The following CYTH2 variants were observed in gnomAD, a reference collection of about 807,000 sequenced individuals.
CYTH2 encodes the protein cytohesin 2.
A neutral mutation model predicts 55.4 loss-of-function variants in CYTH2; 24 were observed. The ratio of observed to expected loss-of-function variants is 0.43; its 90% CI spans 0.31 to 0.61. CYTH2 has a LOEUF of 0.61. Among genes scored for constraint, CYTH2 ranks in the 20% least tolerant of loss-of-function variants. The pLI is 0.08. For missense variants in CYTH2, 378 were observed against 533.5 expected (o/e 0.71, Z 2.87); for synonymous variants, 221 against 209.6 (o/e 1.05, Z -0.47).
At chr19:48,471,179 T>A (rs1044743578) in intron 3 of CYTH2, among the ~76,000 whole-genome samples, 2 of 152,112 alleles carry the variant, frequency 1.3e-5, no homozygotes, top group African/African-American at 2.4e-5. Context: ...TGTGTGTGTG[T>A]GAGACAGAGT....
At chr19:48,478,417 C>T in intron 10 of CYTH2, 21 bp from the exon 11 acceptor site, 2 of 1,613,226 alleles carry the variant, frequency 1.2e-6, no homozygotes, top group Non-Finnish European at 1.7e-6. Context: ...CTTACCTGCG[C>T]CCTTCCTCTC....
chr19:48,470,420 G>A lies in CYTH2; in HGVS notation c.87G>A (p.Leu29=), dbSNP rs1171998170. 1.2e-6 allele frequency: 2 copies of A among 1,614,110 alleles called. No individual in the cohort carries two copies. The highest frequency in any genetic ancestry group is 1.1e-5 in the South Asian group (1 of 91,088). ...LENIRRRKQE[L]LVEIQRLREE... Reference sequence around the variant, plus strand: ...ACATCCGGCGGCGGAAGCAGGAGCTGCTGGTGGAGATTCAGCGCCTGCGGG... The same window carrying A: ...ACATCCGGCGGCGGAAGCAGGAGCTACTGGTGGAGATTCAGCGCCTGCGGG... Residue 29 remains leucine, a synonymous_variant, in exon 2 of 12, where the codon CTG becomes CTA. Coordinates refer to ENST00000452733, the MANE Select transcript of CYTH2 (RefSeq NM_004228.7).
chr19:48,476,066 C>T (rs764128003), intron 8 of CYTH2: 32 of 516,440 alleles, frequency 6.2e-5, no homozygotes, highest in Non-Finnish European at 3.9e-6. Flanking sequence ...GTCTTGGGGG[C>T]CTCCCCATGT....
intron 4 of CYTH2, 149 bp from the exon 5 acceptor site, chr19:48,473,149 C>G (rs182550486): frequency 7.7e-6 from 6 of 777,942 alleles, no homozygotes; most frequent in Non-Finnish European, 1.3e-5. Flanking sequence ...TGGGGGCAGG[C>G]CTGTGTGGGA....
At chr19:48,476,000 GGA>G (rs1971904745) in intron 8 of CYTH2, 1 of 519,516 alleles carries the variant, frequency 1.9e-6, no homozygotes, top group Non-Finnish European at 3.9e-6. Flanking sequence ...CTCAGTGAAG[GGA>G]GTCAAGGTCA....
chr19:48,476,258 T>G, intron 8 of CYTH2: 1 of 221,642 alleles, frequency 4.5e-6, no homozygotes, highest in Non-Finnish European at 9.4e-6. Context: ...GGCAATATAA[T>G]GATACCCCCC....
chr19:48,478,981 A>G (rs1971997206), intron 11 of CYTH2, 142 bp from the exon 12 acceptor site: 1 of 725,862 alleles, frequency 1.4e-6, no homozygotes. Context: ...GCTGGGTCTG[A>G]GGGAGGAGGG....
Position 48,478,582 on chromosome 19 carries a change from A to G in CYTH2, c.1102A>G (p.Lys368Glu). Residue 368 changes from lysine to glutamate, a missense_variant, in exon 11 of 12, where the codon AAG becomes GAG. Transcript: ENST00000452733. ...GCAGGAGGAGAAGGACGAGTGGATC[A>G]AGTCCATCCAGTGAGCCTGGACTCC... is the stretch of plus-strand genomic sequence containing the variant. ...PTQEEKDEWIKSIQAAVSVDP... is the reference protein window; with the variant it reads ...PTQEEKDEWIESIQAAVSVDP... 1 of 1,609,502 alleles carries G rather than the reference A, an allele frequency of 6.2e-7. No homozygotes were observed. The highest frequency in any genetic ancestry group is 8.5e-7 in the Non-Finnish European group (1 of 1,177,198).
At chr19:48,473,224 C>G (rs565281977) in intron 4 of CYTH2, 74 bp from the exon 5 acceptor site, 16 of 1,529,152 alleles carry the variant, frequency 1.0e-5, no homozygotes, top group Admixed American at 1.7e-5. Context: ...GCACGACTTC[C>G]CCAGGGCATT....
rs2147504956 is a variant in CYTH2, at chr19:48,472,424, G to A, written c.334G>A (p.Gly112Arg). 6.2e-7 allele frequency: 1 copy of A among 1,613,518 alleles called. No individual in the cohort carries two copies. Among genetic ancestry groups the A allele is most frequent in the Non-Finnish European group, 8.5e-7 (1 of 1,179,970 alleles). ...CGAGGGGCTGAACAAGACAGCCATC[G>A]GGGACTACCTGGGGGAGAGGTACGG... The part of the protein sequence containing the change: ...KGEGLNKTAI[G>R]DYLGEREELN... The change falls in exon 4 of 12, where the codon GGG becomes AGG. Residue 112 changes from glycine to arginine, a missense_variant. Coordinates refer to ENST00000452733, the MANE Select transcript of CYTH2 (RefSeq NM_004228.7).
At position 48,472,816 on chromosome 19, in the gene CYTH2, C is replaced by G. The variant is rs1303338927; in HGVS notation, c.353+373C>G. On this transcript the variant is annotated intron_variant, in intron 4 of 11. Coordinates refer to ENST00000452733, the MANE Select transcript of CYTH2 (RefSeq NM_004228.7). Reference sequence around the variant, plus strand: ...TGGGAGCTGTGGGGACCGCTGGGCCCTTGTGGGAGCTTAGGAGTTGTGGGG... The same window carrying G: ...TGGGAGCTGTGGGGACCGCTGGGCCGTTGTGGGAGCTTAGGAGTTGTGGGG... 17 of 361,628 alleles carry G rather than the reference C, an allele frequency of 4.7e-5. 1 individual carries two copies. Among genetic ancestry groups the G allele is most frequent in the Non-Finnish European group, 8.5e-5 (16 of 187,522 alleles). The allele number at this position is 361,628 out of a possible 1,614,324, so 22.4% of individuals were successfully genotyped here.
chr19:48,474,812 T>G lies in CYTH2; in HGVS notation c.697-26T>G. 1.2e-6 allele frequency: 2 copies of G among 1,611,714 alleles called. No individual in the cohort carries two copies. Among genetic ancestry groups the G allele is most frequent in the Admixed American group, 1.7e-5 (1 of 59,898 alleles). On this transcript the variant is annotated intron_variant, in intron 7 of 11. Coordinates refer to ENST00000452733, the MANE Select transcript of CYTH2 (RefSeq NM_004228.7). The surrounding 1 kb of genome is among the most constrained non-coding windows in gnomAD (Gnocchi z 4.9). Reference sequence around the variant, plus strand: ...CCTGGGGGGCCCCAGGGGGCTCGAATGGCTAATGCAGCCTTTACTCCTCAG... The same window carrying G: ...CCTGGGGGGCCCCAGGGGGCTCGAAGGGCTAATGCAGCCTTTACTCCTCAG...
At position 48,474,028 on chromosome 19, in the gene CYTH2, C is replaced by T. The variant is rs1971857244; in HGVS notation, c.547+11C>T. The T allele has an allele frequency of 5.0e-6, 8 of 1,597,350 alleles. No homozygotes were observed. The highest frequency in any genetic ancestry group is 1.1e-5 in the South Asian group (1 of 88,932). Reference sequence around the variant, plus strand: ...TTTTCCAGTCCACAGGTGCGGGCCCCAAATCCTGGGTCCTGGGAAAGAGGA... The same window carrying T: ...TTTTCCAGTCCACAGGTGCGGGCCCTAAATCCTGGGTCCTGGGAAAGAGGA... On this transcript the variant is annotated intron_variant, in intron 6 of 11. Coordinates refer to ENST00000452733, the MANE Select transcript of CYTH2 (RefSeq NM_004228.7). This position sits in a 1 kb window ranked among gnomAD's most constrained non-coding sequence, Gnocchi z 4.9.
chr19:48,478,621 G>C (rs1335248115), intron 11 of CYTH2, 29 bp downstream of exon 11: 1 of 1,518,784 alleles, frequency 6.6e-7, no homozygotes, highest in Non-Finnish European at 8.9e-7. Flanking sequence ...GCCTGATGGA[G>C]GAGGGGCTGG....
intron 3 of CYTH2, among the ~76,000 whole-genome samples, chr19:48,471,119 G>A (rs1230802176): frequency 6.6e-6 from 1 of 151,358 alleles, no homozygotes; most frequent in African/African-American, 2.5e-5. Flanking sequence ...TTTGAAGGAT[G>A]AGTAGGTGTT....
In CYTH2 at chr19:48,478,194, G is replaced by A. The variant is rs376111239; in HGVS notation, c.885+49G>A. On this transcript the variant is annotated intron_variant, in intron 9 of 11. Transcript: ENST00000452733. ...CTGGGGTCCTGGGCGGAGTGGCTGG[G>A]AGCCTGGACTCCTGGGGCTGAGGGA... 5 of 1,612,488 alleles carry A rather than the reference G, an allele frequency of 3.1e-6. No individual in the cohort carries two copies. The African/African-American group carries it at 6.7e-5, about 22-fold the overall frequency.
Position 48,479,413 on chromosome 19 carries a change from G to A in CYTH2, c.*203G>A. 1 of 584,278 alleles carries A rather than the reference G, an allele frequency of 1.7e-6. No homozygotes were observed. The highest frequency in any genetic ancestry group is 3.0e-6 in the Non-Finnish European group (1 of 332,470). The allele number at this position is 584,278 out of a possible 1,614,324, so 36.2% of individuals were successfully genotyped here. ...GCCTGCTGACCCCCTCATTTCTTGG[G>A]GTTGACAGAGTCGAGGTGCTCCGTG... On this transcript the variant is annotated 3_prime_UTR_variant, in exon 12 of 12. Coordinates refer to ENST00000452733, the MANE Select transcript of CYTH2 (RefSeq NM_004228.7).
In CYTH2 at chr19:48,473,963, G is replaced by C. The variant is rs746574144; in HGVS notation, c.493G>C (p.Glu165Gln). 6.2e-7 allele frequency: 1 copy of C among 1,613,844 alleles called. No homozygotes were observed. The highest frequency in any genetic ancestry group is 8.5e-7 in the Non-Finnish European group (1 of 1,179,864). ...GEAQKIDRMM[E>Q]AFAQRYCLCN... Reference sequence around the variant, plus strand: ...GGCCCAGAAAATTGACCGGATGATGGAGGCCTTCGCCCAGCGATACTGCCT... The same window carrying C: ...GGCCCAGAAAATTGACCGGATGATGCAGGCCTTCGCCCAGCGATACTGCCT... Residue 165 changes from glutamate to glutamine, a missense_variant, in exon 6 of 12, where the codon GAG becomes CAG. Physicochemically the swap from Glu to Gln is conservative, Grantham distance 29 (BLOSUM62 2). Coordinates refer to ENST00000452733, the MANE Select transcript of CYTH2 (RefSeq NM_004228.7).
Position 48,480,153 on chromosome 19 carries a change from A to C in CYTH2, c.*943A>C, listed in dbSNP as rs1181824433. ...TAAGGTCTGTGACCTTTTGCCCTCC[A>C]GTTGGGGTATGTGTGGTGTCCCCAA... is the stretch of plus-strand genomic sequence containing the variant. On this transcript the variant is annotated 3_prime_UTR_variant, in exon 12 of 12. Coordinates refer to ENST00000452733, the MANE Select transcript of CYTH2 (RefSeq NM_004228.7). 1 of 152,222 alleles carries C rather than the reference A, an allele frequency of 6.6e-6. No individual in the cohort carries two copies. Among genetic ancestry groups the C allele is most frequent in the African/African-American group, 2.4e-5 (1 of 41,448 alleles). 9.4% of individuals were successfully genotyped at this position (152,222 alleles called of 1,614,324 possible).
Sources: gnomAD v4.1 joint callset for allele counts (sites outside exome capture counted in the v4.1 genomes callset) on GRCh38, gnomAD v4.1.1 for gene constraint, Gnocchi (gnomAD v3.1) non-coding constraint, MANE v1.5 for transcripts, NCBI Gene and HGNC (gene_info 2026-07-23, HGNC 2026-07-21) for gene names.